Variants in ANKRD55 observed in about 807,000 individuals in gnomAD.
ANKRD55 encodes ankyrin repeat domain-containing protein 55.
ANKRD55 carries 41 observed loss-of-function variants against 60.6 expected under a neutral mutation model. That is an observed-to-expected ratio of 0.68 (90% CI 0.53 to 0.88). The LOEUF (loss-of-function observed/expected upper bound fraction) is 0.88. Among genes scored for constraint, ANKRD55 ranks in the 40% least tolerant of loss-of-function variants. ANKRD55 has a pLI of 0.00. For missense variants in ANKRD55, 732 were observed against 767.6 expected, an observed-to-expected ratio of 0.95 and a Z score of 0.55; for synonymous variants, 264 against 290.3, an observed-to-expected ratio of 0.91 and a Z score of 0.92.
chr5:56,219,073 G>A (rs1177917823), intron 2 of ANKRD55, among the ~76,000 whole-genome samples: 2 of 151,950 alleles, frequency 1.3e-5, no homozygotes, highest in Non-Finnish European at 2.9e-5. Context: ...AGGAGTTCGA[G>A]ACCAGCCTGG....
At chr5:56,219,346 G>A (rs1002570926) in intron 2 of ANKRD55, among the ~76,000 whole-genome samples, 3 of 150,644 alleles carry the variant, frequency 2.0e-5, no homozygotes, top group African/African-American at 7.3e-5. Context: ...TGTATCTTAA[G>A]TTCTGAGAGC....
chr5:56,172,491 G>C (rs1758632126), intron 4 of ANKRD55, among the ~76,000 whole-genome samples: 1 of 152,198 alleles, frequency 6.6e-6, no homozygotes, highest in Non-Finnish European at 1.5e-5. Context: ...TCGAAAAGCA[G>C]ATCTTTTGGT....
At position 56,220,008 on chromosome 5, in the gene ANKRD55, A is replaced by G. The variant is rs369716815; in HGVS notation, c.58+12848T>C. 9.5e-4 allele frequency among the ~76,000 whole-genome samples: 144 copies of G among 152,342 alleles called. 3 individuals carry two copies. In the Middle Eastern group the frequency reaches 0.027, roughly 29 times the overall value. On this transcript the variant is annotated intron_variant, in intron 2 of 11. Coordinates refer to ENST00000341048, the MANE Select transcript of ANKRD55 (RefSeq NM_024669.3). ...GTAGAGATGACAGGAAGAGCTCAGC[A>G]TGGTGGCCCAGCTGCCTGCTGCACC...
intron 11 of ANKRD55, among the ~76,000 whole-genome samples, chr5:56,101,906 C>T (rs564261655): frequency 6.6e-6 from 1 of 151,936 alleles, no homozygotes; most frequent in African/African-American, 2.4e-5. Context: ...TTTAAAGCAC[C>T]TTCCTAAAGA....
intron 2 of ANKRD55, among the ~76,000 whole-genome samples, chr5:56,198,668 T>C (rs1043813653): frequency 6.6e-6 from 1 of 152,160 alleles, no homozygotes; most frequent in Non-Finnish European, 1.5e-5. Flanking sequence ...CCAAAACCCA[T>C]TTGCTTTGTT....
intron 2 of ANKRD55, among the ~76,000 whole-genome samples, chr5:56,204,535 T>A (rs1028418118): frequency 1.3e-5 from 2 of 152,166 alleles, no homozygotes; most frequent in Admixed American, 6.5e-5. Flanking sequence ...AAGGGGATTT[T>A]CCCCCTTTGC....
At chr5:56,139,936 G>A (rs1757711761) in intron 7 of ANKRD55, among the ~76,000 whole-genome samples, 1 of 152,144 alleles carries the variant, frequency 6.6e-6, no homozygotes, top group South Asian at 2.1e-4. Flanking sequence ...AGGCATGGTG[G>A]TGTGTGCCTG....
intron 6 of ANKRD55, among the ~76,000 whole-genome samples, chr5:56,159,303 A>G (rs930274723): frequency 6.6e-6 from 1 of 152,224 alleles, no homozygotes; most frequent in African/African-American, 2.4e-5. Context: ...CTCTACTAAA[A>G]GTACAAAATT....
At chr5:56,191,474 G>A (rs1294594538) in intron 2 of ANKRD55, among the ~76,000 whole-genome samples, 1 of 152,176 alleles carries the variant, frequency 6.6e-6, no homozygotes, top group Non-Finnish European at 1.5e-5. Flanking sequence ...TGTAAATAGA[G>A]TTGTTTTTCG....
Position 56,208,466 on chromosome 5 carries a change from C to T in ANKRD55, c.58+24390G>A, listed in dbSNP as rs764371557. On this transcript the variant is annotated intron_variant, in intron 2 of 11. Coordinates refer to ENST00000341048, the MANE Select transcript of ANKRD55 (RefSeq NM_024669.3). ...TTTTGACAGAGTCTCACTCTGTTAC[C>T]CAGGCTGGAGTGCAGTGGCACCATC... is the stretch of plus-strand genomic sequence containing the variant. 6.6e-4 allele frequency among the ~76,000 whole-genome samples: 100 copies of T among 151,646 alleles called. 1 individual carries two copies. The highest frequency in any genetic ancestry group is 1.4e-3 in the Non-Finnish European group (93 of 67,946).
chr5:56,229,339 T>C (rs920963718), intron 2 of ANKRD55, among the ~76,000 whole-genome samples: 7 of 152,098 alleles, frequency 4.6e-5, no homozygotes, highest in African/African-American at 1.7e-4. Context: ...GAAGAGATGT[T>C]GCTATGGTGA....
At chr5:56,102,390 C>CAA (rs36060683) in intron 11 of ANKRD55, 104 bp downstream of exon 11, 493 of 670,664 alleles carry the variant, frequency 7.4e-4, no homozygotes, top group East Asian at 1.0e-3. Flanking sequence ...GACTCCATCT[C>CAA]AAAAAAAAAA....
chr5:56,165,604 C>A (rs544757474), intron 5 of ANKRD55, among the ~76,000 whole-genome samples: 1 of 152,116 alleles, frequency 6.6e-6, no homozygotes, highest in South Asian at 2.1e-4. Context: ...CTGCCTACTT[C>A]CCTGTGAAGT....
chr5:56,108,438 CT>C (rs1756564051), intron 10 of ANKRD55: 1 of 152,194 alleles, frequency 6.6e-6, no homozygotes, highest in South Asian at 2.1e-4. Context: ...CTTCCTGATC[CT>C]TCTGCAGAAA....
chr5:56,113,986 CTATATATA>C (rs3055156), intron 9 of ANKRD55, among the ~76,000 whole-genome samples: 7,838 of 139,088 alleles, frequency 0.056, 217 homozygotes, highest in Middle Eastern at 0.14. Flanking sequence ...AATATGTATA[CTATATATA>C]TATATATATA....
chr5:56,120,322 A>T (rs1757006005), intron 8 of ANKRD55, among the ~76,000 whole-genome samples: 1 of 152,062 alleles, frequency 6.6e-6, no homozygotes, highest in South Asian at 2.1e-4. Flanking sequence ...CCACCGCACC[A>T]AGCCCTCTTA....
chr5:56,166,386 T>C (rs1470553291), intron 5 of ANKRD55, among the ~76,000 whole-genome samples: 4 of 151,678 alleles, frequency 2.6e-5, no homozygotes, highest in Non-Finnish European at 5.9e-5. Context: ...GCCTCCTGAA[T>C]AGGTAGGACT....
At chr5:56,184,429 C>T (rs1169829017) in intron 2 of ANKRD55, among the ~76,000 whole-genome samples, 2 of 152,196 alleles carry the variant, frequency 1.3e-5, no homozygotes, top group African/African-American at 4.8e-5. Context: ...TTCATTCTTT[C>T]AGCCCTGCGT....
rs535336294 is a variant in ANKRD55 at position 56,203,517 on chromosome 5, T to C, written c.59-19883A>G. On this transcript the variant is annotated intron_variant, in intron 2 of 11. Coordinates refer to ENST00000341048, the MANE Select transcript of ANKRD55 (RefSeq NM_024669.3). ...CCCCACAACAGTCCCCGGTGTGTGA[T>C]GTTCCCCTTCCCCTGTGTCCATGTG... Among the ~76,000 whole-genome samples the C allele has an allele frequency of 6.6e-5, 10 of 152,290 alleles. No individual in the cohort carries two copies. The East Asian group carries it at 1.5e-3, about 23-fold the overall frequency.
Sources: allele counts gnomAD v4.1 joint callset (sites outside exome capture counted in the v4.1 genomes callset), GRCh38; gene constraint gnomAD v4.1.1; transcripts MANE v1.5; gene names NCBI Gene and HGNC (gene_info 2026-07-23, HGNC 2026-07-21).